The following LSAMP variants were observed in gnomAD, a reference collection of about 807,000 sequenced individuals.
LSAMP encodes the protein limbic system-associated membrane protein.
A neutral mutation model predicts 38.6 loss-of-function variants in LSAMP; 7 were observed. That is an observed-to-expected ratio of 0.18 (90% CI 0.10 to 0.34). LSAMP has a LOEUF of 0.34. Among genes scored for constraint, LSAMP ranks in the 10% least tolerant of loss-of-function variants. The pLI is 1.00. For missense variants in LSAMP, 313 were observed against 420.0 expected (o/e 0.75, Z 2.23); for synonymous variants, 154 against 166.8 (o/e 0.92, Z 0.59).
chr3:116,274,514 T>C (rs542807103), intron 1 of LSAMP, among the ~76,000 whole-genome samples: 3 of 152,284 alleles, frequency 2.0e-5, no homozygotes, highest in African/African-American at 7.2e-5. Flanking sequence ...ATAAACATCC[T>C]CAAACCATGT....
At chr3:116,338,158 C>T (rs1336855731) in intron 1 of LSAMP, among the ~76,000 whole-genome samples, 1 of 151,962 alleles carries the variant, frequency 6.6e-6, no homozygotes, top group Non-Finnish European at 1.5e-5. Flanking sequence ...TCTCTTTCAT[C>T]GTCACCTTTT....
chr3:116,016,250 G>T (rs957385846), intron 3 of LSAMP, among the ~76,000 whole-genome samples: 2 of 152,116 alleles, frequency 1.3e-5, no homozygotes, highest in African/African-American at 4.8e-5. Context: ...GCAAAGGAAA[G>T]TTCTCTCTCC....
intron 1 of LSAMP, among the ~76,000 whole-genome samples, chr3:116,442,733 TTGTC>T (rs2049454463): frequency 6.6e-6 from 1 of 152,226 alleles, no homozygotes; most frequent in Non-Finnish European, 1.5e-5. Context: ...CATGCTCTGT[TTGTC>T]TGTCTTTTCT....
At chr3:116,079,958 A>G (rs1707836696) in intron 2 of LSAMP, among the ~76,000 whole-genome samples, 1 of 152,226 alleles carries the variant, frequency 6.6e-6, no homozygotes. Flanking sequence ...ATAGTGGCTT[A>G]TGGTACTATT....
At chr3:116,207,500 C>T (rs556776567) in intron 1 of LSAMP, among the ~76,000 whole-genome samples, 45 of 151,054 alleles carry the variant, frequency 3.0e-4, no homozygotes, top group East Asian at 7.8e-4. Flanking sequence ...TTCCTAGTCT[C>T]GATGGTCTTT....
chr3:116,270,314 C>T (rs562279812), intron 1 of LSAMP, among the ~76,000 whole-genome samples: 25 of 152,194 alleles, frequency 1.6e-4, no homozygotes, highest in African/African-American at 6.0e-4. Context: ...CCAGTTAACA[C>T]TCCATTTATC....
intron 2 of LSAMP, among the ~76,000 whole-genome samples, chr3:116,064,258 G>T (rs946830740): frequency 6.6e-6 from 1 of 152,064 alleles, no homozygotes; most frequent in African/African-American, 2.4e-5. Flanking sequence ...AGGCATGGTG[G>T]CTCACGCCTG....
intron 1 of LSAMP, among the ~76,000 whole-genome samples, chr3:116,174,674 C>T (rs547985140): frequency 2.0e-5 from 3 of 151,984 alleles, no homozygotes; most frequent in East Asian, 1.9e-4. Flanking sequence ...TTTTTGTGAC[C>T]GTCTTTCAGC....
intron 6 of LSAMP, among the ~76,000 whole-genome samples, chr3:115,814,534 G>A (rs1483640101): frequency 2.0e-5 from 3 of 152,180 alleles, no homozygotes; most frequent in African/African-American, 7.2e-5. Context: ...TATGCTTAGA[G>A]ACATTTTGTA....
intron 2 of LSAMP, among the ~76,000 whole-genome samples, chr3:116,050,688 TA>T (rs1941380641): frequency 6.6e-6 from 1 of 152,200 alleles, no homozygotes; most frequent in African/African-American, 2.4e-5. Flanking sequence ...GCCAAGGTTT[TA>T]ATAGCAAAAT....
chr3:116,257,100 A>G (rs2046762288), intron 1 of LSAMP, among the ~76,000 whole-genome samples: 1 of 152,138 alleles, frequency 6.6e-6, no homozygotes, highest in Non-Finnish European at 1.5e-5. Flanking sequence ...GTGGCTTTCA[A>G]ATTCTAATTT....
chr3:115,982,310 A>G (rs943602668), intron 3 of LSAMP, among the ~76,000 whole-genome samples: 9 of 152,222 alleles, frequency 5.9e-5, no homozygotes, highest in African/African-American at 2.2e-4. Context: ...TGTAGATGGC[A>G]TGACTCCCGT....
intron 1 of LSAMP, among the ~76,000 whole-genome samples, chr3:116,103,464 C>CAAAAA (rs59732794): frequency 1.6e-3 from 68 of 42,626 alleles, no homozygotes; most frequent in African/African-American, 2.2e-3. Context: ...GACTCCTTCT[C>CAAAAA]AAAAAAAAAA....
At chr3:116,233,398 G>A (rs1442440871) in intron 1 of LSAMP, among the ~76,000 whole-genome samples, 2 of 118,494 alleles carry the variant, frequency 1.7e-5, no homozygotes, top group African/African-American at 6.8e-5. Flanking sequence ...GGGCGACAGA[G>A]CGAGACTCTG....
rs567365794 is a variant in LSAMP at position 115,810,537 on chromosome 3, G to T, written c.920-123C>A. The T allele has an allele frequency of 8.3e-4, 584 of 702,560 alleles. 8 individuals are homozygous for T. In the Middle Eastern group the frequency reaches 0.013, roughly 16 times the overall value. The allele number at this position is 702,560 out of a possible 1,614,324, so 43.5% of individuals were successfully genotyped here. ...CAGGTACTAGCATCTCAAAGTTACT[G>T]CACTTATGTGCAGCCCAAGAAGCGC... On this transcript the variant is annotated intron_variant, in intron 6 of 6. Transcript: ENST00000490035.
intron 1 of LSAMP, among the ~76,000 whole-genome samples, chr3:116,252,086 A>T (rs751991257): frequency 2.0e-4 from 31 of 152,284 alleles, no homozygotes; most frequent in Non-Finnish European, 3.7e-4. Context: ...TGCTCCTCTC[A>T]CTGTTGGCTA....
At chr3:115,947,248 A>T (rs1414487019) in intron 3 of LSAMP, among the ~76,000 whole-genome samples, 5 of 152,202 alleles carry the variant, frequency 3.3e-5, no homozygotes, top group African/African-American at 1.2e-4. Context: ...TGAGACAATG[A>T]TATCTGCTAT....
chr3:116,097,214 G>C (rs1300705251), intron 1 of LSAMP, among the ~76,000 whole-genome samples: 1 of 152,112 alleles, frequency 6.6e-6, no homozygotes, highest in African/African-American at 2.4e-5. Context: ...CTAAGTTCTA[G>C]ATGGAAAAAA....
At chr3:116,180,694 C>T in intron 1 of LSAMP, among the ~76,000 whole-genome samples, 1 of 152,104 alleles carries the variant, frequency 6.6e-6, no homozygotes. Flanking sequence ...GTTATGCTTT[C>T]TTTACTGAAT....
Sources: gnomAD v4.1 joint callset for allele counts (sites outside exome capture counted in the v4.1 genomes callset) on GRCh38, gnomAD v4.1.1 for gene constraint, MANE v1.5 for transcripts, NCBI Gene and HGNC (gene_info 2026-07-23, HGNC 2026-07-21) for gene names.